Variants in GRIP1 observed in about 807,000 individuals in gnomAD.
GRIP1 encodes glutamate receptor interacting protein 1, also known as glutamate receptor-interacting protein 1.
In GRIP1, 45 loss-of-function variants were observed where a neutral mutation model predicts 129.9. The ratio of observed to expected loss-of-function variants is 0.35; its 90% confidence interval spans 0.27 to 0.44. GRIP1 has a LOEUF of 0.44. GRIP1 is among the 20% of genes least tolerant of loss of function. The probability of loss-of-function intolerance (pLI) is 1.00; values close to 1 mark genes in which losing one functional copy is unlikely to be tolerated. For synonymous variants in GRIP1, 530 were observed against 520.8 expected (o/e 1.02, Z -0.24); for missense variants, 1,196 against 1,396.8 (o/e 0.86, Z 2.29).
chr12:66,444,250 G>A (rs61925939), intron 13 of GRIP1, among the ~76,000 whole-genome samples: 274 of 152,076 alleles, frequency 1.8e-3, no homozygotes, highest in Non-Finnish European at 3.3e-3. Flanking sequence ...ACTTTGGGAG[G>A]CCGAGGCGGG....
chr12:66,966,008 G>A (rs967345012), intron 1 of GRIP1, among the ~76,000 whole-genome samples: 2 of 152,124 alleles, frequency 1.3e-5, no homozygotes, highest in Non-Finnish European at 2.9e-5. Context: ...TTCCATTTGT[G>A]ACTCTATGTA....
chr12:66,479,634 C>T (rs1307718283), intron 7 of GRIP1, among the ~76,000 whole-genome samples: 1 of 152,164 alleles, frequency 6.6e-6, no homozygotes, highest in Non-Finnish European at 1.5e-5. Flanking sequence ...AAATTTCAGT[C>T]CAGTATCCCT....
At chr12:66,837,088 A>AT (rs1341517200) in intron 1 of GRIP1, among the ~76,000 whole-genome samples, 2 of 152,134 alleles carry the variant, frequency 1.3e-5, no homozygotes, top group Admixed American at 1.3e-4. Flanking sequence ...TGTCATTTCT[A>AT]TTTTTCCCCT....
intron 1 of GRIP1, among the ~76,000 whole-genome samples, chr12:66,914,645 AGGAAAAACT>A (rs1294795905): frequency 6.6e-6 from 1 of 152,244 alleles, no homozygotes; most frequent in Non-Finnish European, 1.5e-5. Flanking sequence ...TACATAAAAA[AGGAAAAACT>A]GGCTCTTAGC....
At chr12:67,068,848 AT>A (rs2043679879) in intron 1 of GRIP1, among the ~76,000 whole-genome samples, 2 of 2,402 alleles carry the variant, frequency 8.3e-4, no homozygotes, top group Non-Finnish European at 8.3e-4. Flanking sequence ...CTGCCCTCTC[AT>A]CCCGCCCCCC....
At chr12:67,031,159 G>A (rs903613750) in intron 1 of GRIP1, among the ~76,000 whole-genome samples, 3 of 152,096 alleles carry the variant, frequency 2.0e-5, no homozygotes, top group African/African-American at 4.8e-5. Context: ...CTGCCTGTCC[G>A]CTCCCTCATT....
intron 1 of GRIP1, among the ~76,000 whole-genome samples, chr12:66,924,948 C>T (rs565754790): frequency 8.6e-5 from 13 of 151,966 alleles, no homozygotes; most frequent in Middle Eastern, 3.4e-3. Flanking sequence ...CTAGCCTGGG[C>T]GACAGAGCGA....
chr12:66,646,453 G>A (rs183264069), intron 1 of GRIP1, among the ~76,000 whole-genome samples: 51 of 152,234 alleles, frequency 3.4e-4, no homozygotes, highest in African/African-American at 9.6e-4. Flanking sequence ...GCAAAACTCC[G>A]TCTCTATGAA....
chr12:66,777,237 C>T (rs1236410050), intron 1 of GRIP1, among the ~76,000 whole-genome samples: 1 of 152,106 alleles, frequency 6.6e-6, no homozygotes, highest in African/African-American at 2.4e-5. Context: ...GCTGTGTTCC[C>T]CTCTCTTGCC....
At chr12:66,559,202 T>C (rs1393236234) in intron 2 of GRIP1, among the ~76,000 whole-genome samples, 1 of 150,544 alleles carries the variant, frequency 6.6e-6, no homozygotes, top group East Asian at 1.9e-4. Context: ...ATAAAAACCA[T>C]ATAAGGCAGA....
At chr12:66,972,922 CCCAAACAGGGTCCGGGGTG>C (rs1342900682) in intron 1 of GRIP1, among the ~76,000 whole-genome samples, 2 of 152,100 alleles carry the variant, frequency 1.3e-5, no homozygotes, top group Non-Finnish European at 2.9e-5. Flanking sequence ...ACTCCTGGCC[CCCAAACAGGGTCCGGGGTG>C]AAAAGAGAAG....
chr12:66,472,902 T>G (rs990310565), intron 7 of GRIP1, among the ~76,000 whole-genome samples: 1 of 152,182 alleles, frequency 6.6e-6, no homozygotes, highest in African/African-American at 2.4e-5. Context: ...GGGCGGCCAC[T>G]TGGACAGACA....
At chr12:66,561,463 T>C (rs1205448417) in intron 2 of GRIP1, among the ~76,000 whole-genome samples, 6 of 152,078 alleles carry the variant, frequency 3.9e-5, no homozygotes, top group Non-Finnish European at 8.8e-5. Flanking sequence ...ATACTTACTA[T>C]ATACCCACAA....
intron 2 of GRIP1, among the ~76,000 whole-genome samples, chr12:66,542,378 G>A (rs2061811551): frequency 6.6e-6 from 1 of 152,210 alleles, no homozygotes; most frequent in Non-Finnish European, 1.5e-5. Context: ...TTCATGGTAT[G>A]TCTCAGGTTA....
intron 16 of GRIP1, among the ~76,000 whole-genome samples, chr12:66,401,609 T>TATATATACACACACACACAC (rs1169241331): frequency 2.7e-5 from 3 of 110,176 alleles, no homozygotes; most frequent in African/African-American, 1.1e-4. Context: ...TATATATATA[T>TATATATACACACACACACAC]ACACACACAC....
At chr12:67,050,270 T>C (rs900477489) in intron 1 of GRIP1, among the ~76,000 whole-genome samples, 7 of 152,212 alleles carry the variant, frequency 4.6e-5, no homozygotes, top group African/African-American at 1.7e-4. Flanking sequence ...AGAAATTCCT[T>C]CTTTGCCCTA....
intron 1 of GRIP1, among the ~76,000 whole-genome samples, chr12:66,879,773 T>C (rs763793178): frequency 6.6e-6 from 1 of 152,132 alleles, no homozygotes; most frequent in African/African-American, 2.4e-5. Flanking sequence ...AAACCGTATG[T>C]GCCAGTCACT....
rs150785432 is a variant in GRIP1 at position 66,505,324 on chromosome 12, G to A, written c.724+10295C>T. Among the ~76,000 whole-genome samples the A allele has an allele frequency of 4.5e-3, 684 of 152,270 alleles. 5 individuals are homozygous for A. The highest frequency in any genetic ancestry group is 7.4e-3 in the Non-Finnish European group (500 of 68,004). ...AATGTGGGTGGTTTCTAGGAACAGC[G>A]AATGATTCCAGAGAGCAGACAGCAA... On this transcript the variant is annotated intron_variant, in intron 7 of 24. Transcript: ENST00000359742.
chr12:67,009,009 C>T (rs2042667061), intron 1 of GRIP1, among the ~76,000 whole-genome samples: 1 of 152,056 alleles, frequency 6.6e-6, no homozygotes, highest in African/African-American at 2.4e-5. Context: ...AAGAATTAAT[C>T]TTGTATTTGT....
Sources: gnomAD v4.1 joint callset for allele counts (sites outside exome capture counted in the v4.1 genomes callset) on GRCh38, gnomAD v4.1.1 for gene constraint, MANE v1.5 for transcripts, NCBI Gene and HGNC (gene_info 2026-07-23, HGNC 2026-07-21) for gene names.